The following SDCCAG8 variants were observed in gnomAD, a reference collection of about 807,000 sequenced individuals.
SDCCAG8 encodes serologically defined colon cancer antigen 8.
SDCCAG8 carries 74 observed loss-of-function variants against 101.8 expected under a neutral mutation model. The ratio of observed to expected loss-of-function variants is 0.73; its 90% CI spans 0.60 to 0.88. The LOEUF (loss-of-function observed/expected upper bound fraction) is 0.88, where lower values mean the gene tolerates loss of function less well. SDCCAG8 is among the 40% of genes least tolerant of loss of function. SDCCAG8 has a pLI of 0.00. For missense variants in SDCCAG8, 787 were observed against 822.6 expected (o/e 0.96, Z 0.53); for synonymous variants, 281 against 292.9 (o/e 0.96, Z 0.41).
intron 6 of SDCCAG8, among the ~76,000 whole-genome samples, chr1:243,296,842 C>T (rs1408430434): frequency 6.6e-6 from 1 of 152,164 alleles, no homozygotes; most frequent in Non-Finnish European, 1.5e-5. Context: ...CCCAACTGCT[C>T]TTTTTAAGGT....
intron 12 of SDCCAG8, among the ~76,000 whole-genome samples, chr1:243,355,728 C>T (rs946096479): frequency 2.0e-5 from 3 of 152,162 alleles, no homozygotes; most frequent in Non-Finnish European, 2.9e-5. Context: ...GCCTCCACCT[C>T]CCAAGTAGCT....
chr1:243,447,429 GA>G (rs1217417647), intron 16 of SDCCAG8, among the ~76,000 whole-genome samples: 1 of 151,984 alleles, frequency 6.6e-6, no homozygotes, highest in African/African-American at 2.4e-5. Flanking sequence ...GGAGGAAGGG[GA>G]TCTGAGCATC....
chr1:243,276,634 TA>T (rs2068596012), intron 4 of SDCCAG8, among the ~76,000 whole-genome samples: 1 of 152,204 alleles, frequency 6.6e-6, no homozygotes, highest in African/African-American at 2.4e-5. Context: ...GATGAACCAC[TA>T]TTGTTAAATT....
chr1:243,433,861 C>T (rs891426734), intron 16 of SDCCAG8, among the ~76,000 whole-genome samples: 5 of 152,128 alleles, frequency 3.3e-5, no homozygotes, highest in African/African-American at 1.2e-4. Flanking sequence ...TTTAAAAGTA[C>T]TAAAATTTGG....
At chr1:243,345,472 C>T (rs1360398502) in intron 12 of SDCCAG8, among the ~76,000 whole-genome samples, 3 of 152,024 alleles carry the variant, frequency 2.0e-5, no homozygotes, top group East Asian at 1.9e-4. Context: ...CAGTTGGGGG[C>T]GTGCCTGATA....
At position 243,495,893 on chromosome 1, in the gene SDCCAG8, G is replaced by C. The variant is rs1249030789; in HGVS notation, c.2113-3863G>C. 2.0e-5 allele frequency among the ~76,000 whole-genome samples: 3 copies of C among 152,288 alleles called. No individual in the cohort carries two copies. The East Asian group carries it at 5.8e-4, about 29-fold the overall frequency. ...CTCATCTGCCAGAGCAAGCAGGAGAGCCTCGCATGGGAGAGTCTGGACTTT... is the reference window on the plus strand; with the variant it reads ...CTCATCTGCCAGAGCAAGCAGGAGACCCTCGCATGGGAGAGTCTGGACTTT... On this transcript the variant is annotated intron_variant, in intron 17 of 17. Coordinates refer to ENST00000366541, the MANE Select transcript of SDCCAG8 (RefSeq NM_006642.5).
chr1:243,360,873 A>G (rs112925948), intron 12 of SDCCAG8, among the ~76,000 whole-genome samples: 3,039 of 152,142 alleles, frequency 0.02, 111 homozygotes, highest in African/African-American at 0.068. Flanking sequence ...CCTATGTCTG[A>G]TCTTGTCACC....
intron 4 of SDCCAG8, among the ~76,000 whole-genome samples, chr1:243,275,150 A>G (rs897130587): frequency 6.6e-6 from 1 of 152,186 alleles, no homozygotes; most frequent in Non-Finnish European, 1.5e-5. Flanking sequence ...GAAACCAAAC[A>G]CATCATATAT....
chr1:243,295,040 T>C (rs1182276781), intron 6 of SDCCAG8, among the ~76,000 whole-genome samples: 1 of 152,160 alleles, frequency 6.6e-6, no homozygotes, highest in Non-Finnish European at 1.5e-5. Context: ...AGCTTCATTC[T>C]ACTTGGGAAA....
chr1:243,293,315 A>G, intron 6 of SDCCAG8, 96 bp downstream of exon 6: 2 of 1,238,254 alleles, frequency 1.6e-6, no homozygotes, highest in Non-Finnish European at 2.3e-6. Flanking sequence ...AACAAAATTT[A>G]CCATTATAAC....
At chr1:243,348,818 C>CA (rs34405078) in intron 12 of SDCCAG8, among the ~76,000 whole-genome samples, 27,475 of 130,982 alleles carry the variant, frequency 0.21, 2,789 homozygotes, top group South Asian at 0.32. Context: ...ACTAAAAATA[C>CA]AAAAAAAAAA....
At chr1:243,431,785 C>G (rs1033740325) in intron 16 of SDCCAG8, among the ~76,000 whole-genome samples, 1 of 152,154 alleles carries the variant, frequency 6.6e-6, no homozygotes, top group East Asian at 1.9e-4. Flanking sequence ...CTGCTGAGCA[C>G]CTGTGTCCTC....
intron 13 of SDCCAG8, among the ~76,000 whole-genome samples, chr1:243,408,442 A>G (rs1249862937): frequency 6.6e-6 from 1 of 152,202 alleles, no homozygotes. Flanking sequence ...CAACTAATTG[A>G]TGGTGTCATT....
intron 15 of SDCCAG8, among the ~76,000 whole-genome samples, chr1:243,421,350 A>G (rs2080987166): frequency 6.6e-6 from 1 of 152,226 alleles, no homozygotes; most frequent in Admixed American, 6.5e-5. Context: ...AGCTGAGAGC[A>G]TGGGCTCGGC....
chr1:243,438,444 C>T (rs1470380676), intron 16 of SDCCAG8, among the ~76,000 whole-genome samples: 1 of 110,706 alleles, frequency 9.0e-6, no homozygotes, highest in Non-Finnish European at 2.1e-5. Context: ...AACCTCAGCT[C>T]TCTGATTGGC....
intron 12 of SDCCAG8, among the ~76,000 whole-genome samples, chr1:243,371,179 A>G (rs2077267903): frequency 6.6e-6 from 1 of 152,060 alleles, no homozygotes; most frequent in Non-Finnish European, 1.5e-5. Flanking sequence ...TCTCTGTGCT[A>G]TTTGTGTCTT....
intron 6 of SDCCAG8, among the ~76,000 whole-genome samples, chr1:243,303,839 G>T (rs2071796866): frequency 6.6e-6 from 1 of 152,136 alleles, no homozygotes; most frequent in South Asian, 2.1e-4. Context: ...TTGGGAAGCT[G>T]AGGCGGGCAG....
At position 243,416,570 on chromosome 1, in the gene SDCCAG8, T is replaced by C. The variant is rs539654369; in HGVS notation, c.1744+741T>C. On this transcript the variant is annotated intron_variant, in intron 14 of 17. Transcript: ENST00000366541. This position sits in a 1 kb window ranked among gnomAD's most constrained non-coding sequence, Gnocchi z 4.3. Reference sequence around the variant, plus strand: ...CCACAGCTGGCAGCTTGGCTAAAAATTGCCATCTTTCATCACATTGGCACT... The same window carrying C: ...CCACAGCTGGCAGCTTGGCTAAAAACTGCCATCTTTCATCACATTGGCACT... 6.6e-6 allele frequency among the ~76,000 whole-genome samples: 1 copy of C among 152,336 alleles called. No individual in the cohort carries two copies. The highest frequency in any genetic ancestry group is 1.9e-4 in the East Asian group (1 of 5,188).
intron 12 of SDCCAG8, among the ~76,000 whole-genome samples, chr1:243,355,783 A>AT (rs2076348637): frequency 6.6e-6 from 1 of 151,652 alleles, no homozygotes; most frequent in South Asian, 2.1e-4. Context: ...TTCTTTTTGT[A>AT]TTTTTTTGTA....
Sources: allele counts gnomAD v4.1 joint callset (sites outside exome capture counted in the v4.1 genomes callset), GRCh38; gene constraint gnomAD v4.1.1; non-coding constraint Gnocchi (gnomAD v3.1); transcripts MANE v1.5; gene names NCBI Gene and HGNC (gene_info 2026-07-23, HGNC 2026-07-21).